Variants in AGO3 observed in about 807,000 individuals in gnomAD.
AGO3 encodes the protein argonaute RISC catalytic component 3, also known as protein argonaute-3.
Under a neutral mutation model 105.5 loss-of-function variants are expected in AGO3, and 16 were observed. The ratio of observed to expected loss-of-function variants is 0.15; its 90% CI spans 0.10 to 0.23. AGO3 has a LOEUF of 0.23. AGO3 is among the 10% of genes least tolerant of loss of function. The probability of loss-of-function intolerance (pLI) is 1.00; values close to 1 mark genes in which losing one functional copy is unlikely to be tolerated. For missense variants in AGO3, 534 were observed against 1,088.0 expected, an observed-to-expected ratio of 0.49 and a Z score of 7.16; for synonymous variants, 340 against 367.3, an observed-to-expected ratio of 0.93 and a Z score of 0.85.
chr1:35,995,209 AATATATAT>A (rs748081363), intron 5 of AGO3, among the ~76,000 whole-genome samples: 18 of 114,740 alleles, frequency 1.6e-4, no homozygotes, highest in Non-Finnish European at 2.5e-4. Flanking sequence ...TAAAAAAAAA[AATATATAT>A]ATATATATAT....
chr1:36,018,235 C>T (rs1641010350), intron 11 of AGO3, among the ~76,000 whole-genome samples: 1 of 151,674 alleles, frequency 6.6e-6, no homozygotes, highest in Admixed American at 6.6e-5. Flanking sequence ...GCCTCCCAAA[C>T]TGCTGAGATT....
In AGO3 at chr1:35,954,709, T is replaced by G. The variant is rs148620523; in HGVS notation, c.191+8846T>G. On this transcript the variant is annotated intron_variant, in intron 2 of 18. Coordinates refer to ENST00000373191, the MANE Select transcript of AGO3 (RefSeq NM_024852.4). ...AGATAAAACATGATCTCTTTAAAGT[T>G]TTAAATTCCATATGGAGTGACAAAT... Among the ~76,000 whole-genome samples, 587 of 152,338 alleles carry G rather than the reference T, an allele frequency of 3.9e-3. 1 individual carries two copies. The highest frequency in any genetic ancestry group is 6.2e-3 in the Non-Finnish European group (424 of 68,032).
intron 4 of AGO3, among the ~76,000 whole-genome samples, chr1:35,973,098 G>A (rs186452881): frequency 4.0e-5 from 6 of 151,152 alleles, no homozygotes; most frequent in African/African-American, 9.7e-5. Flanking sequence ...TTTTAAGGTC[G>A]GAACTGTTAA....
chr1:36,030,286 G>C (rs1418179629), intron 12 of AGO3, among the ~76,000 whole-genome samples: 1 of 152,050 alleles, frequency 6.6e-6, no homozygotes. Context: ...CAGATTGCTT[G>C]AGTTCAGGAA....
At chr1:36,012,057 A>G (rs1256957095) in intron 9 of AGO3, among the ~76,000 whole-genome samples, 1 of 152,108 alleles carries the variant, frequency 6.6e-6, no homozygotes, top group Non-Finnish European at 1.5e-5. Flanking sequence ...TGCCTAATTT[A>G]GAAAATGGGG....
intron 5 of AGO3, among the ~76,000 whole-genome samples, chr1:35,985,790 T>C (rs1647161328): frequency 6.6e-6 from 1 of 152,150 alleles, no homozygotes; most frequent in Non-Finnish European, 1.5e-5. Context: ...AATTTAAAAC[T>C]TGTGTATCGC....
At chr1:36,048,142 T>G (rs1051542558) in intron 17 of AGO3, among the ~76,000 whole-genome samples, 5 of 151,942 alleles carry the variant, frequency 3.3e-5, no homozygotes, top group Non-Finnish European at 7.4e-5. Flanking sequence ...AGATGATATA[T>G]TCAAAGGGCT....
rs1643165845 is a variant in AGO3 at position 36,071,498 on chromosome 1, C to G, written c.*15753C>G. ...TCAGAGTAACCTCTTTCTCCATCCT[C>G]CTTTTCCACACTATTCTTGCCAAAT... On this transcript the variant is annotated 3_prime_UTR_variant, in exon 19 of 19. Coordinates refer to ENST00000373191, the MANE Select transcript of AGO3 (RefSeq NM_024852.4). The G allele has an allele frequency of 1.3e-5, 2 of 152,190 alleles. No individual in the cohort carries two copies. The highest frequency in any genetic ancestry group is 4.1e-4 in the South Asian group (2 of 4,832). 9.4% of individuals were successfully genotyped at this position (152,190 alleles called of 1,614,324 possible).
chr1:36,050,810 A>AT (rs1569948850), intron 17 of AGO3, among the ~76,000 whole-genome samples: 1 of 150,950 alleles, frequency 6.6e-6, no homozygotes, highest in East Asian at 2.0e-4. Context: ...AAAAAAAAAA[A>AT]GATACTTGAT....
chr1:36,000,286 C>T (rs1461960512), intron 5 of AGO3, among the ~76,000 whole-genome samples: 11 of 152,078 alleles, frequency 7.2e-5, no homozygotes, highest in Non-Finnish European at 1.0e-4. Flanking sequence ...AAACATATTC[C>T]TAATTCAAAA....
At chr1:35,973,726 T>A in intron 5 of AGO3, 2 of 373,944 alleles carry the variant, frequency 5.3e-6, no homozygotes, top group Non-Finnish European at 4.3e-6. Context: ...AGCAAGCACA[T>A]GAAGACAGAT....
At chr1:36,015,792 A>G (rs570976886) in intron 11 of AGO3, among the ~76,000 whole-genome samples, 47 of 152,212 alleles carry the variant, frequency 3.1e-4, no homozygotes, top group Non-Finnish European at 4.8e-4. Context: ...ATTACCATGG[A>G]TAATTTATTT....
rs532300484 is a variant in AGO3 at position 36,071,200 on chromosome 1, C to G, written c.*15455C>G. On this transcript the variant is annotated 3_prime_UTR_variant, in exon 19 of 19. Transcript: ENST00000373191. ...TAGATAATTGCTGCTAAAAACAAAACAAAACAAAACAATACAAAACAAAAA... is the reference window on the plus strand; with the variant it reads ...TAGATAATTGCTGCTAAAAACAAAAGAAAACAAAACAATACAAAACAAAAA... 1 of 151,776 alleles carries G rather than the reference C, an allele frequency of 6.6e-6. No individual in the cohort carries two copies. Among genetic ancestry groups the G allele is most frequent in the South Asian group, 2.1e-4 (1 of 4,812 alleles). 9.4% of individuals were successfully genotyped at this position (151,776 alleles called of 1,614,324 possible). A position where few individuals can be genotyped will look rare whatever the true frequency, so the allele number is the denominator to read the frequency against.
chr1:35,978,693 T>C (rs1646996020), intron 5 of AGO3, among the ~76,000 whole-genome samples: 1 of 152,190 alleles, frequency 6.6e-6, no homozygotes, highest in East Asian at 1.9e-4. Context: ...TTTTCTGGTC[T>C]GTTATTAGGA....
At chr1:35,971,749 T>C (rs1646874918) in intron 3 of AGO3, among the ~76,000 whole-genome samples, 1 of 152,216 alleles carries the variant, frequency 6.6e-6, no homozygotes, top group Non-Finnish European at 1.5e-5. Context: ...TGGAAATTTA[T>C]TCCATGGCAG....
Position 36,071,156 on chromosome 1 carries a change from C to T in AGO3, c.*15411C>T, listed in dbSNP as rs1008744099. 6.6e-6 allele frequency: 1 copy of T among 152,020 alleles called. No homozygotes were observed. The highest frequency in any genetic ancestry group is 6.6e-5 in the Admixed American group (1 of 15,232). 9.4% of individuals were successfully genotyped at this position (152,020 alleles called of 1,614,324 possible). Reference sequence around the variant, plus strand: ...CACATACAAACATACACCCCTAAAGCGTAGCTAACTGCTCCCACTAGATAA... The same window carrying T: ...CACATACAAACATACACCCCTAAAGTGTAGCTAACTGCTCCCACTAGATAA... On this transcript the variant is annotated 3_prime_UTR_variant, in exon 19 of 19. Transcript: ENST00000373191.
chr1:35,948,992 G>A (rs1433035339), intron 2 of AGO3, among the ~76,000 whole-genome samples: 1 of 151,966 alleles, frequency 6.6e-6, no homozygotes, highest in Non-Finnish European at 1.5e-5. Context: ...TGCCCAGGCT[G>A]GTATGCAATG....
intron 2 of AGO3, among the ~76,000 whole-genome samples, chr1:35,946,625 ATGT>A (rs1272046660): frequency 6.6e-6 from 1 of 152,234 alleles, no homozygotes; most frequent in Non-Finnish European, 1.5e-5. Flanking sequence ...AAGAAAAAGA[ATGT>A]TGTTTCTCTC....
chr1:35,984,851 G>A (rs954214304), intron 5 of AGO3, among the ~76,000 whole-genome samples: 1 of 152,214 alleles, frequency 6.6e-6, no homozygotes, highest in African/African-American at 2.4e-5. Flanking sequence ...CAAGTATAAT[G>A]AGATCAAGAG....
Sources: allele counts gnomAD v4.1 joint callset (sites outside exome capture counted in the v4.1 genomes callset), GRCh38; gene constraint gnomAD v4.1.1; transcripts MANE v1.5; gene names NCBI Gene and HGNC (gene_info 2026-07-23, HGNC 2026-07-21).